ZC3H12B: variants seen among roughly 807,000 people sequenced by gnomAD.
ZC3H12B encodes the protein probable ribonuclease ZC3H12B.
A neutral mutation model predicts 43.9 loss-of-function variants in ZC3H12B; 7 were observed. The ratio of observed to expected loss-of-function variants is 0.16; its 90% CI spans 0.09 to 0.30. The LOEUF is 0.30. Ranked by LOEUF, ZC3H12B falls within the 10% of genes least tolerant of loss-of-function variation. The pLI is 1.00. For missense variants in ZC3H12B, 475 were observed against 670.2 expected, an observed-to-expected ratio of 0.71 and a Z score of 3.22; for synonymous variants, 222 against 241.7, an observed-to-expected ratio of 0.92 and a Z score of 0.76.
chrX:65,147,992 G>A, the ZC3H12B span, among the ~76,000 whole-genome samples: 1 of 110,776 alleles, frequency 9.0e-6, no homozygotes, highest in Non-Finnish European at 1.9e-5. Context: ...CATGTAGGCT[G>A]GCCTGGAACC....
At chrX:65,171,946 T>C in the ZC3H12B span, among the ~76,000 whole-genome samples, 1 of 112,089 alleles carries the variant, frequency 8.9e-6, no homozygotes, top group Non-Finnish European at 1.9e-5. Context: ...CTGTCACGGC[T>C]TCTCTTGGCT....
chrX:65,417,150 G>A (rs2066972001), intron 3 of ZC3H12B, among the ~76,000 whole-genome samples: 1 of 111,831 alleles, frequency 8.9e-6, no homozygotes, highest in African/African-American at 3.2e-5. Flanking sequence ...GAATAGGTCT[G>A]GGGTTCAGCA....
At chrX:65,129,475 T>C in the ZC3H12B span, among the ~76,000 whole-genome samples, 1 of 108,655 alleles carries the variant, frequency 9.2e-6, no homozygotes, top group Non-Finnish European at 1.9e-5. Flanking sequence ...GTCAAAGGGG[T>C]TGTTCTCTGG....
intron 3 of ZC3H12B, among the ~76,000 whole-genome samples, chrX:65,429,520 C>A (rs1188603722): frequency 8.9e-6 from 1 of 112,413 alleles, no homozygotes; most frequent in African/African-American, 3.2e-5. Flanking sequence ...CTTAAAGAAG[C>A]AGTCTGGCCA....
chrX:65,077,099 G>A, the ZC3H12B span, among the ~76,000 whole-genome samples: 2 of 111,561 alleles, frequency 1.8e-5, no homozygotes, highest in Non-Finnish European at 3.8e-5. Flanking sequence ...CCTATTTTTT[G>A]TGGGTCTTAG....
At chrX:65,407,769 G>A (rs1037863694) in intron 3 of ZC3H12B, among the ~76,000 whole-genome samples, 1 of 113,609 alleles carries the variant, frequency 8.8e-6, no homozygotes, top group Middle Eastern at 4.2e-3. Context: ...CTGAGGCCGG[G>A]GGGTTGGAGC....
the ZC3H12B span, among the ~76,000 whole-genome samples, chrX:65,186,722 A>C: frequency 4.5e-5 from 5 of 110,487 alleles, no homozygotes; most frequent in Non-Finnish European, 9.4e-5. Flanking sequence ...AGTCCAGTGT[A>C]TTATTCTTAT....
At chrX:65,251,118 G>A in the ZC3H12B span, among the ~76,000 whole-genome samples, 3 of 111,846 alleles carry the variant, frequency 2.7e-5, no homozygotes, top group East Asian at 2.8e-4. Context: ...TTTAGTATAA[G>A]GTGTAAGGAA....
At chrX:65,253,630 C>G in the ZC3H12B span, among the ~76,000 whole-genome samples, 25 of 104,784 alleles carry the variant, frequency 2.4e-4, 1 homozygote, top group South Asian at 7.9e-3. Flanking sequence ...TACCTGATAG[C>G]CCCCCTGTCT....
chrX:65,158,115 T>C, the ZC3H12B span, among the ~76,000 whole-genome samples: 1 of 109,017 alleles, frequency 9.2e-6, no homozygotes, highest in Non-Finnish European at 1.9e-5. Context: ...TCATTTTTTA[T>C]GGCTGCATAG....
the ZC3H12B span, among the ~76,000 whole-genome samples, chrX:65,170,849 G>A: frequency 1.1e-4 from 12 of 111,714 alleles, no homozygotes; most frequent in South Asian, 3.7e-4. Context: ...TTGTGCATGC[G>A]TCACCTAGTT....
intron 3 of ZC3H12B, among the ~76,000 whole-genome samples, chrX:65,482,613 T>C (rs932683060): frequency 3.6e-5 from 4 of 112,522 alleles, no homozygotes; most frequent in Non-Finnish European, 7.5e-5. Context: ...AGTTTTCTTG[T>C]CCTTCTGGAG....
At chrX:65,406,607 C>CG (rs1331498543) in intron 3 of ZC3H12B, among the ~76,000 whole-genome samples, 2 of 4,550 alleles carry the variant, frequency 4.4e-4, no homozygotes, top group East Asian at 8.0e-3. Flanking sequence ...CGGGGCTGGG[C>CG]GGGGCTGGGC....
At chrX:65,144,693 A>AT in the ZC3H12B span, among the ~76,000 whole-genome samples, 36 of 110,557 alleles carry the variant, frequency 3.3e-4, no homozygotes, top group East Asian at 2.8e-3. Flanking sequence ...CAGTTGAAGA[A>AT]TTTTTTTTTA....
At chrX:65,381,282 A>G (rs2066435392) in intron 2 of ZC3H12B, among the ~76,000 whole-genome samples, 1 of 111,915 alleles carries the variant, frequency 8.9e-6, no homozygotes, top group Non-Finnish European at 1.9e-5. Context: ...TCAAACTAGA[A>G]CTCAGGATTA....
At chrX:65,188,242 C>A in the ZC3H12B span, among the ~76,000 whole-genome samples, 2 of 111,266 alleles carry the variant, frequency 1.8e-5, no homozygotes, top group Non-Finnish European at 3.8e-5. Flanking sequence ...CACATTTTGG[C>A]TATTGTGAAT....
rs6624148 is a variant in ZC3H12B at position 65,385,959 on chromosome X, G to A, written n.296-12634G>A. On this transcript the variant is annotated intron_variant and non_coding_transcript_variant, in intron 2 of 5. Transcript: ENST00000617377. ...TGCTGGATTACATTTATTGATTTGC[G>A]TATGTTGAACCAGTCTTGCATCCCA... Among the ~76,000 whole-genome samples the A allele has an allele frequency of 7.2e-3, 807 of 112,060 alleles. 4 individuals carry two copies. Among genetic ancestry groups the A allele is most frequent in the Non-Finnish European group, 9.7e-3 (518 of 53,172 alleles).
the ZC3H12B span, among the ~76,000 whole-genome samples, chrX:65,243,424 T>G: frequency 8.9e-6 from 1 of 112,034 alleles, no homozygotes; most frequent in East Asian, 2.8e-4. Context: ...TATATTATCT[T>G]ACTCCAGTTA....
intron 3 of ZC3H12B, among the ~76,000 whole-genome samples, chrX:65,455,176 T>G (rs2067589302): frequency 8.9e-6 from 1 of 112,063 alleles, no homozygotes; most frequent in Non-Finnish European, 1.9e-5. Flanking sequence ...ATCAAACTAC[T>G]CTGGGCTAAA....
Sources: allele counts gnomAD v4.1 joint callset (sites outside exome capture counted in the v4.1 genomes callset), GRCh38; gene constraint gnomAD v4.1.1; transcripts MANE v1.5; gene names NCBI Gene and HGNC (gene_info 2026-07-23, HGNC 2026-07-21).